Variants in ARHGAP26 observed in about 807,000 individuals in gnomAD.
ARHGAP26 encodes the protein Rho GTPase activating protein 26.
Under a neutral mutation model 104.8 loss-of-function variants are expected in ARHGAP26, and 38 were observed. The observed-to-expected ratio is 0.36, with a 90% CI of 0.28 to 0.48. The LOEUF (loss-of-function observed/expected upper bound fraction) is 0.48, where lower values mean the gene tolerates loss of function less well. ARHGAP26 is among the 20% of genes least tolerant of loss of function. The pLI, the probability that ARHGAP26 is intolerant of heterozygous loss-of-function variation, is 0.99. For synonymous variants in ARHGAP26, 341 were observed against 340.0 expected (o/e 1.00, Z -0.03); for missense variants, 704 against 947.9 (o/e 0.74, Z 3.38).
intron 1 of ARHGAP26, among the ~76,000 whole-genome samples, chr5:142,788,580 G>GA (rs1434639300): frequency 6.6e-6 from 1 of 152,150 alleles, no homozygotes; most frequent in Non-Finnish European, 1.5e-5. Context: ...CATCATTACT[G>GA]AACATGTTCA....
At chr5:142,962,567 T>C (rs1281361353) in intron 11 of ARHGAP26, among the ~76,000 whole-genome samples, 1 of 152,210 alleles carries the variant, frequency 6.6e-6, no homozygotes, top group Non-Finnish European at 1.5e-5. Context: ...CACAAGAATT[T>C]TCCTTGTTTG....
At chr5:143,176,308 C>G (rs1277205841) in intron 20 of ARHGAP26, among the ~76,000 whole-genome samples, 1 of 152,162 alleles carries the variant, frequency 6.6e-6, no homozygotes, top group Non-Finnish European at 1.5e-5. Flanking sequence ...CCAGCCACTT[C>G]TGCTTTTATA....
intron 14 of ARHGAP26, among the ~76,000 whole-genome samples, chr5:143,047,452 T>C (rs899521607): frequency 6.6e-6 from 1 of 152,240 alleles, no homozygotes; most frequent in African/African-American, 2.4e-5. Context: ...TTAGCTGTTA[T>C]AATTTTTATA....
At chr5:142,910,458 G>A (rs1761687551) in intron 9 of ARHGAP26, among the ~76,000 whole-genome samples, 1 of 152,232 alleles carries the variant, frequency 6.6e-6, no homozygotes. Context: ...AGAGACCGAG[G>A]CCGGATGTGG....
At chr5:143,094,627 A>G (rs1792026102) in intron 17 of ARHGAP26, among the ~76,000 whole-genome samples, 1 of 152,258 alleles carries the variant, frequency 6.6e-6, no homozygotes, top group Non-Finnish European at 1.5e-5. Flanking sequence ...CAGATGGAAC[A>G]ATGGTGAGCA....
At chr5:143,167,929 A>T (rs1359488865) in intron 20 of ARHGAP26, among the ~76,000 whole-genome samples, 1 of 152,230 alleles carries the variant, frequency 6.6e-6, no homozygotes, top group Non-Finnish European at 1.5e-5. Flanking sequence ...GATGAGTTAC[A>T]GGGGATCGTG....
intron 20 of ARHGAP26, among the ~76,000 whole-genome samples, chr5:143,189,876 T>A (rs939510352): frequency 6.6e-6 from 1 of 152,118 alleles, no homozygotes; most frequent in African/African-American, 2.4e-5. Flanking sequence ...GTGTTTCCAG[T>A]GCCTACAACT....
Position 142,986,010 on chromosome 5 carries a change from T to TG in ARHGAP26, c.1108-28068dup, listed in dbSNP as rs778648035. On this transcript the variant is annotated intron_variant, in intron 11 of 22. Transcript: ENST00000645722. ...ATAGCAGCATGATTTATAATTCCTT[T>TG]GGTATATACCCAGTAATGGGATGGC... Among the ~76,000 whole-genome samples the TG allele has an allele frequency of 2.6e-3, 395 of 152,274 alleles. 2 individuals are homozygous for TG. The highest frequency in any genetic ancestry group is 3.2e-3 in the Non-Finnish European group (220 of 68,032).
chr5:142,806,233 C>T (rs1762958504), intron 1 of ARHGAP26, among the ~76,000 whole-genome samples: 2 of 152,134 alleles, frequency 1.3e-5, no homozygotes, highest in African/African-American at 2.4e-5. Context: ...GCTGGGACCA[C>T]GGGCATGTGC....
At chr5:143,082,686 G>A (rs1055179967) in intron 17 of ARHGAP26, among the ~76,000 whole-genome samples, 1 of 152,162 alleles carries the variant, frequency 6.6e-6, no homozygotes, top group Admixed American at 6.5e-5. Flanking sequence ...TACTGTAGCC[G>A]CACATAAGCG....
Position 142,894,260 on chromosome 5 carries a change from T to C in ARHGAP26, c.509T>C (p.Val170Ala). 2 of 1,614,082 alleles carry C rather than the reference T, an allele frequency of 1.2e-6. No homozygotes were observed. The highest frequency in any genetic ancestry group is 1.7e-6 in the Non-Finnish European group (2 of 1,179,960). The change falls in exon 6 of 23, where the codon GTC becomes GCC. Residue 170 changes from valine to alanine, a missense_variant. Transcript: ENST00000645722. ...LQEADSQVDL[V>A]RQHFYEVSLE... ...TAGGCAGACAGCCAAGTGGACCTGG[T>C]CCGGCAGCATTTCTATGAAGTATCC...
At chr5:143,031,275 C>A (rs1320882777) in intron 12 of ARHGAP26, among the ~76,000 whole-genome samples, 2 of 152,190 alleles carry the variant, frequency 1.3e-5, no homozygotes, top group African/African-American at 4.8e-5. Flanking sequence ...CAGCAAGGTG[C>A]TGCAGGGAGG....
At chr5:143,133,682 T>TC (rs1356657884) in intron 18 of ARHGAP26, among the ~76,000 whole-genome samples, 1 of 152,180 alleles carries the variant, frequency 6.6e-6, no homozygotes, top group African/African-American at 2.4e-5. Context: ...GCTTTCTTTT[T>TC]CCCTGGAGAG....
chr5:142,777,730 A>G (rs1756628847), intron 1 of ARHGAP26, among the ~76,000 whole-genome samples: 1 of 152,034 alleles, frequency 6.6e-6, no homozygotes, highest in Admixed American at 6.6e-5. Flanking sequence ...CCAATGTAGG[A>G]GTCATTAGCG....
chr5:143,029,936 A>G (rs1238852310), intron 12 of ARHGAP26, among the ~76,000 whole-genome samples: 4 of 152,088 alleles, frequency 2.6e-5, no homozygotes, highest in Non-Finnish European at 4.4e-5. Flanking sequence ...TCTCCTTTGG[A>G]TGAGGATTTC....
intron 17 of ARHGAP26, among the ~76,000 whole-genome samples, chr5:143,094,210 G>C (rs752239865): frequency 1.3e-5 from 2 of 152,204 alleles, no homozygotes; most frequent in Admixed American, 6.5e-5. Context: ...GCTTTGCTGC[G>C]TGGTGTCTTT....
intron 10 of ARHGAP26, among the ~76,000 whole-genome samples, chr5:142,915,088 C>T (rs555837855): frequency 6.6e-6 from 1 of 152,120 alleles, no homozygotes; most frequent in Admixed American, 6.5e-5. Context: ...CGAGAAGTTG[C>T]GGAGAGTGGC....
chr5:142,798,136 A>G (rs574477885), intron 1 of ARHGAP26, among the ~76,000 whole-genome samples: 135 of 152,340 alleles, frequency 8.9e-4, no homozygotes, highest in African/African-American at 3.0e-3. Flanking sequence ...CTGATCACAT[A>G]TGCCACTTCA....
At chr5:143,043,341 T>G (rs1223210380) in intron 14 of ARHGAP26, among the ~76,000 whole-genome samples, 2 of 152,236 alleles carry the variant, frequency 1.3e-5, no homozygotes, top group Non-Finnish European at 2.9e-5. Context: ...ATCAGTGTAA[T>G]TTTCTCAAGA....
Sources: gnomAD v4.1 joint callset for allele counts (sites outside exome capture counted in the v4.1 genomes callset) on GRCh38, gnomAD v4.1.1 for gene constraint, MANE v1.5 for transcripts, NCBI Gene and HGNC (gene_info 2026-07-23, HGNC 2026-07-21) for gene names.